The following CA5A variants were observed in gnomAD, a reference collection of about 807,000 sequenced individuals.
CA5A encodes the protein carbonic anhydrase 5A, also known as carbonic anhydrase 5A, mitochondrial.
A neutral mutation model predicts 37.1 loss-of-function variants in CA5A; 28 were observed. That is an observed-to-expected ratio of 0.75 (90% confidence interval 0.56 to 1.03). CA5A has a LOEUF of 1.03. CA5A is among the 50% of genes least tolerant of loss of function. The pLI is 0.00. For synonymous variants in CA5A, 171 were observed against 158.4 expected, an observed-to-expected ratio of 1.08 and a Z score of -0.60; for missense variants, 444 against 399.9, an observed-to-expected ratio of 1.11 and a Z score of -0.94.
At chr16:87,884,039 A>G (rs1457886381), downstream of CA5A, 1 of 152,008 alleles carries the variant, frequency 6.6e-6, no homozygotes, top group Non-Finnish European at 1.5e-5. Context: ...ATCTGACTGT[A>G]AGGTAATGTT....
At chr16:87,905,898 G>A (rs1448072936) in intron 2 of CA5A, among the ~76,000 whole-genome samples, 1 of 152,194 alleles carries the variant, frequency 6.6e-6, no homozygotes, top group Non-Finnish European at 1.5e-5. Context: ...TGACATGTGG[G>A]GCTCAGCCAT....
chr16:87,920,471 G>A (rs1466359539), intron 2 of CA5A, among the ~76,000 whole-genome samples: 4 of 151,518 alleles, frequency 2.6e-5, no homozygotes, highest in Non-Finnish European at 5.9e-5. Flanking sequence ...CACCACGCTC[G>A]GCTAATTTTT....
At chr16:87,888,848 G>A (rs1375023891) in intron 6 of CA5A, among the ~76,000 whole-genome samples, 2 of 152,118 alleles carry the variant, frequency 1.3e-5, no homozygotes, top group Admixed American at 6.6e-5. Flanking sequence ...CGCCTCCCAG[G>A]TTCAAGCGAT....
intron 2 of CA5A, among the ~76,000 whole-genome samples, chr16:87,917,533 C>A (rs1197641529): frequency 2.6e-5 from 4 of 152,230 alleles, no homozygotes; most frequent in Non-Finnish European, 5.9e-5. Context: ...TATTCACACC[C>A]AGGCCTGAGG....
chr16:87,914,536 G>A (rs1040025520), intron 2 of CA5A, among the ~76,000 whole-genome samples: 10 of 152,164 alleles, frequency 6.6e-5, no homozygotes, highest in African/African-American at 2.4e-4. Context: ...GGAGGAGGAG[G>A]CACAGAGCCG....
chr16:87,908,374 A>G (rs2055995926), intron 2 of CA5A, among the ~76,000 whole-genome samples: 1 of 152,188 alleles, frequency 6.6e-6, no homozygotes, highest in Admixed American at 6.6e-5. Flanking sequence ...TGATGATGGC[A>G]GTGGTGGTGA....
intron 2 of CA5A, among the ~76,000 whole-genome samples, chr16:87,921,649 G>A (rs1430798542): frequency 6.6e-6 from 1 of 152,186 alleles, no homozygotes; most frequent in African/African-American, 2.4e-5. Context: ...TCGGGGATGG[G>A]CTCGCTCCCA....
chr16:87,929,734 T>A (rs576189143), intron 1 of CA5A, among the ~76,000 whole-genome samples: 2 of 151,076 alleles, frequency 1.3e-5, no homozygotes, highest in African/African-American at 4.9e-5. Flanking sequence ...TAGCCGGGCG[T>A]GGTGGCGGGC....
chr16:87,927,383 C>G (rs2056327421), intron 1 of CA5A, among the ~76,000 whole-genome samples: 1 of 152,168 alleles, frequency 6.6e-6, no homozygotes. Flanking sequence ...CCAGGTACCC[C>G]ACCTAGTGGT....
intron 1 of CA5A, 123 bp from the exon 2 acceptor site, chr16:87,927,068 C>T (rs529045275): frequency 2.8e-4 from 200 of 705,796 alleles, no homozygotes; most frequent in Non-Finnish European, 3.8e-4. Flanking sequence ...AACTGACCCA[C>T]GGGAAACGGG....
intron 1 of CA5A, among the ~76,000 whole-genome samples, chr16:87,929,046 G>A (rs2056358900): frequency 6.6e-6 from 1 of 150,740 alleles, no homozygotes; most frequent in Non-Finnish European, 1.5e-5. Context: ...TGGGATTACA[G>A]GCGTGAGCCA....
At chr16:87,892,295 A>G (rs2055729008) in intron 5 of CA5A, 1 of 170,470 alleles carries the variant, frequency 5.9e-6, no homozygotes, top group Non-Finnish European at 1.2e-5. Flanking sequence ...GCATCACTTG[A>G]GGTCAGGAGT....
chr16:87,927,832 G>A (rs1319880934), intron 1 of CA5A, among the ~76,000 whole-genome samples: 1 of 147,324 alleles, frequency 6.8e-6, no homozygotes, highest in Non-Finnish European at 1.5e-5. Context: ...CTGCACTCCA[G>A]CCTGGGGGAC....
chr16:87,894,869 A>C (rs1042733753), intron 5 of CA5A, among the ~76,000 whole-genome samples: 2 of 152,088 alleles, frequency 1.3e-5, no homozygotes, highest in South Asian at 2.1e-4. Flanking sequence ...ACAGAGAGAG[A>C]GACTCTGTCT....
chr16:87,932,734 A>G (rs1329646231), intron 1 of CA5A, among the ~76,000 whole-genome samples: 1 of 151,938 alleles, frequency 6.6e-6, no homozygotes, highest in East Asian at 1.9e-4. Context: ...TTTGCCCCTA[A>G]TTCACACGGG....
downstream of CA5A, chr16:87,887,709 C>T (rs773482670): frequency 4.8e-5 from 8 of 165,776 alleles, no homozygotes; most frequent in East Asian, 5.1e-4. Flanking sequence ...CAATGCACCC[C>T]GCCAGTTCTT....
At chr16:87,898,687 C>G (rs1185612145) in intron 5 of CA5A, among the ~76,000 whole-genome samples, 2 of 151,412 alleles carry the variant, frequency 1.3e-5, no homozygotes, top group Non-Finnish European at 2.9e-5. Flanking sequence ...ACCAGACATG[C>G]TCCTTATTCC....
rs373504887 is a variant in CA5A at position 87,912,369 on chromosome 16, C to T, written c.341-7465G>A. Among the ~76,000 whole-genome samples the T allele has an allele frequency of 2.7e-4, 41 of 152,284 alleles. No individual in the cohort carries two copies. In the East Asian group the frequency reaches 5.0e-3, roughly 19 times the overall value. ...CACTGCCATCACCATCATCTCACCA[C>T]GGCAGAGATCCGCAGTCCCCTGAAG... On this transcript the variant is annotated intron_variant, in intron 2 of 6. Coordinates refer to ENST00000649794, the MANE Select transcript of CA5A (RefSeq NM_001739.2).
chr16:87,936,148 G>GGCC (rs1269748899), intron 1 of CA5A, among the ~76,000 whole-genome samples, 161 bp downstream of exon 1: 1 of 149,860 alleles, frequency 6.7e-6, no homozygotes, highest in Non-Finnish European at 1.5e-5. Context: ...CTCCAGCCTG[G>GGCC]GCCACAGAGC....
Sources: allele counts gnomAD v4.1 joint callset (sites outside exome capture counted in the v4.1 genomes callset), GRCh38; gene constraint gnomAD v4.1.1; transcripts MANE v1.5; gene names NCBI Gene and HGNC (gene_info 2026-07-23, HGNC 2026-07-21).